The following ADAM19 variants were observed in gnomAD, a reference collection of about 807,000 sequenced individuals.
ADAM19 encodes disintegrin and metalloproteinase domain-containing protein 19.
A neutral mutation model predicts 114.7 loss-of-function variants in ADAM19; 65 were observed. The observed-to-expected ratio is 0.57, with a 90% CI of 0.46 to 0.70. The LOEUF is 0.70. Among genes scored for constraint, ADAM19 ranks in the 30% least tolerant of loss-of-function variants. The probability of loss-of-function intolerance (pLI) is 0.00; values close to 1 mark genes in which losing one functional copy is unlikely to be tolerated. For synonymous variants in ADAM19, 466 were observed against 460.5 expected (o/e 1.01, Z -0.15); for missense variants, 1,063 against 1,204.7 (o/e 0.88, Z 1.74).
chr5:157,488,802 C>T (rs377480211), intron 20 of ADAM19, among the ~76,000 whole-genome samples: 2 of 152,102 alleles, frequency 1.3e-5, no homozygotes, highest in African/African-American at 2.4e-5. Context: ...GAGGCCGAGG[C>T]GGGTGGATCA....
rs115160055 is a variant in ADAM19, at chr5:157,559,464, G to A, written c.251+4909C>T. ...TGTAATAGAGTGATCCTGCTCACTA[G>A]TAATGCGGCCCAGTGAGCATCCAGG... On this transcript the variant is annotated intron_variant, in intron 3 of 22. Transcript: ENST00000257527. Among the ~76,000 whole-genome samples the A allele has an allele frequency of 5.0e-3, 756 of 152,320 alleles. 7 individuals carry two copies. Among genetic ancestry groups the A allele is most frequent in the African/African-American group, 0.017 (727 of 41,556 alleles).
At chr5:157,570,836 G>A (rs1757799098) in intron 2 of ADAM19, 59 bp downstream of exon 2, 1 of 1,449,140 alleles carries the variant, frequency 6.9e-7, no homozygotes, top group Non-Finnish European at 9.6e-7. Flanking sequence ...AGTTGAGTAG[G>A]TAGCCCAAAC....
chr5:157,522,654 C>T (rs1222956857), intron 5 of ADAM19, among the ~76,000 whole-genome samples: 5 of 152,110 alleles, frequency 3.3e-5, no homozygotes, highest in African/African-American at 4.8e-5. Flanking sequence ...GGCGTACTGG[C>T]GGGTGCCTGT....
chr5:157,503,539 C>T (rs1271270579), intron 11 of ADAM19, among the ~76,000 whole-genome samples: 1 of 151,744 alleles, frequency 6.6e-6, no homozygotes, highest in Non-Finnish European at 1.5e-5. Flanking sequence ...ATATTAACCA[C>T]CCCATAACAT....
At chr5:157,549,685 A>C (rs1757137086) in intron 3 of ADAM19, among the ~76,000 whole-genome samples, 1 of 152,194 alleles carries the variant, frequency 6.6e-6, no homozygotes, top group African/African-American at 2.4e-5. Context: ...TGCTGTTTGC[A>C]TGCTGTTTTC....
rs1224498237 is a variant in ADAM19, at chr5:157,533,552, CT to C, written c.331-2670del. Among the ~76,000 whole-genome samples the C allele has an allele frequency of 3.9e-5, 6 of 152,268 alleles. No homozygotes were observed. In the East Asian group the frequency reaches 1.2e-3, roughly 29 times the overall value. On this transcript the variant is annotated intron_variant, in intron 4 of 22. Coordinates refer to ENST00000257527, the MANE Select transcript of ADAM19 (RefSeq NM_033274.5). ...CCACAAACCCCGTAGCACAGGATTACTCATGGGGAGAAGAGGGGCCGGGCCT... is the reference window on the plus strand; with the variant it reads ...CCACAAACCCCGTAGCACAGGATTACCATGGGGAGAAGAGGGGCCGGGCCT...
chr5:157,509,076 G>C (rs1289717775), intron 9 of ADAM19, among the ~76,000 whole-genome samples: 2 of 152,236 alleles, frequency 1.3e-5, no homozygotes, highest in East Asian at 3.8e-4. Context: ...TTTCCCATTA[G>C]ACTGTAAACA....
At chr5:157,558,510 G>C (rs1307572633) in intron 3 of ADAM19, among the ~76,000 whole-genome samples, 2 of 152,214 alleles carry the variant, frequency 1.3e-5, no homozygotes, top group African/African-American at 4.8e-5. Flanking sequence ...GTGAAGCATG[G>C]TTTACTAAGA....
chr5:157,571,022 T>A (rs746788860), intron 1 of ADAM19, 42 bp from the exon 2 acceptor site: 5 of 1,569,014 alleles, frequency 3.2e-6, no homozygotes, highest in Non-Finnish European at 4.4e-6. Context: ...CCCAGACCTC[T>A]ATACCCCAGC....
chr5:157,492,072 A>C (rs962873922), intron 16 of ADAM19, among the ~76,000 whole-genome samples, 160 bp from the exon 17 acceptor site: 3 of 152,112 alleles, frequency 2.0e-5, no homozygotes, highest in Non-Finnish European at 4.4e-5. Context: ...TGGGCGGATC[A>C]CCAGAGGTCA....
chr5:157,488,131 G>A (rs1304576274), intron 21 of ADAM19, 134 bp downstream of exon 21: 18 of 867,658 alleles, frequency 2.1e-5, no homozygotes, highest in Admixed American at 1.3e-4. Context: ...GTGCGCCCCC[G>A]TATTGACTGA....
chr5:157,499,749 AC>A, intron 12 of ADAM19, 87 bp from the exon 13 acceptor site: 2 of 799,180 alleles, frequency 2.5e-6, no homozygotes, highest in Middle Eastern at 3.6e-4. Context: ...CACCCCTGGA[AC>A]CCCAGCTCTC....
intron 3 of ADAM19, among the ~76,000 whole-genome samples, chr5:157,560,774 G>C (rs1023181207): frequency 6.6e-6 from 1 of 152,218 alleles, no homozygotes; most frequent in Admixed American, 6.5e-5. Context: ...GATTTTCCTC[G>C]TGGGAGGGAA....
intron 20 of ADAM19, 44 bp from the exon 21 acceptor site, chr5:157,488,533 A>G (rs962584878): frequency 6.8e-7 from 1 of 1,470,648 alleles, no homozygotes; most frequent in East Asian, 2.3e-5. Context: ...GAAATCACTC[A>G]GGGCTGGCCT....
At chr5:157,520,561 T>A (rs1756256314) in intron 5 of ADAM19, among the ~76,000 whole-genome samples, 1 of 152,180 alleles carries the variant, frequency 6.6e-6, no homozygotes, top group African/African-American at 2.4e-5. Flanking sequence ...AGCTCCAACA[T>A]TCAATTGTCA....
rs1230569498 is a variant in ADAM19 at position 157,508,780 on chromosome 5, C to G, written c.905+521G>C. On this transcript the variant is annotated intron_variant, in intron 9 of 22. Coordinates refer to ENST00000257527, the MANE Select transcript of ADAM19 (RefSeq NM_033274.5). The stretch of plus-strand genomic sequence containing the variant: ...CAGGCTGATGAAAATCTAGCACAAT[C>G]CCTCCTCAATGTCTCCCTCCAACCA... 5.3e-5 allele frequency among the ~76,000 whole-genome samples: 8 copies of G among 152,124 alleles called. No homozygotes were observed. The South Asian group carries it at 1.7e-3, about 32-fold the overall frequency.
chr5:157,515,377 C>A (rs1219174819), intron 7 of ADAM19, among the ~76,000 whole-genome samples: 1 of 152,196 alleles, frequency 6.6e-6, no homozygotes, highest in African/African-American at 2.4e-5. Flanking sequence ...CCCAATGAGA[C>A]CACCATAATT....
chr5:157,503,628 C>A (rs190890212), intron 11 of ADAM19, among the ~76,000 whole-genome samples: 2 of 152,084 alleles, frequency 1.3e-5, no homozygotes, highest in Non-Finnish European at 2.9e-5. Context: ...GAGGGGGCTG[C>A]GATAAGTAAA....
At chr5:157,521,039 T>C (rs72811307) in intron 5 of ADAM19, among the ~76,000 whole-genome samples, 11,811 of 152,154 alleles carry the variant, frequency 0.078, 589 homozygotes, top group Middle Eastern at 0.17. Context: ...AGTGTAAACA[T>C]TGGAATAAGT....
Sources: gnomAD v4.1 joint callset for allele counts (sites outside exome capture counted in the v4.1 genomes callset) on GRCh38, gnomAD v4.1.1 for gene constraint, MANE v1.5 for transcripts, NCBI Gene and HGNC (gene_info 2026-07-23, HGNC 2026-07-21) for gene names.